The following DIP2C variants were observed in gnomAD, a reference collection of about 807,000 sequenced individuals.
DIP2C encodes the protein disco-interacting protein 2 homolog C.
In DIP2C, 33 loss-of-function variants were observed where a neutral mutation model predicts 192.4. The ratio of observed to expected loss-of-function variants is 0.17; its 90% CI spans 0.13 to 0.23. The LOEUF (loss-of-function observed/expected upper bound fraction) is 0.23, where lower values mean the gene tolerates loss of function less well. Among genes scored for constraint, DIP2C ranks in the 10% least tolerant of loss-of-function variants. The pLI is 1.00. For synonymous variants in DIP2C, 979 were observed against 864.1 expected, an observed-to-expected ratio of 1.13 and a Z score of -2.33; for missense variants, 1,537 against 2,110.1, an observed-to-expected ratio of 0.73 and a Z score of 5.32.
At chr10:631,519 T>C (rs369606295) in intron 1 of DIP2C, among the ~76,000 whole-genome samples, 309 of 152,174 alleles carry the variant, frequency 2.0e-3, no homozygotes, top group African/African-American at 5.2e-3. Context: ...ATGATGAAAC[T>C]GTGGGCAGGG....
chr10:540,130 A>G (rs578074153), intron 1 of DIP2C, among the ~76,000 whole-genome samples: 2 of 152,386 alleles, frequency 1.3e-5, no homozygotes, highest in East Asian at 1.9e-4. Context: ...AGGACACAGC[A>G]TATTTCCTAT....
intron 29 of DIP2C, chr10:340,701 C>T: frequency 2.2e-6 from 1 of 453,766 alleles, no homozygotes; most frequent in Non-Finnish European, 4.4e-6. Context: ...TGCTGAGCAC[C>T]TGCTGTAAGC....
At chr10:297,855 G>A (rs566371307) in intron 32 of DIP2C, among the ~76,000 whole-genome samples, 14 of 152,226 alleles carry the variant, frequency 9.2e-5, no homozygotes, top group Non-Finnish European at 1.5e-4. Context: ...CTAATATCCC[G>A]ATCTGCTAAC....
chr10:365,282 C>T (rs1430300646), intron 19 of DIP2C, among the ~76,000 whole-genome samples: 2 of 152,202 alleles, frequency 1.3e-5, no homozygotes, highest in Admixed American at 6.5e-5. Context: ...CCTGTAATCC[C>T]GGCACTTTAG....
chr10:334,395 G>C (rs1957654837), intron 29 of DIP2C, among the ~76,000 whole-genome samples: 1 of 149,522 alleles, frequency 6.7e-6, no homozygotes, highest in African/African-American at 2.5e-5. Context: ...TTTTTTCCCA[G>C]ACTGTGGCTT....
chr10:447,133 C>T (rs1398991060), intron 3 of DIP2C, among the ~76,000 whole-genome samples: 3 of 152,180 alleles, frequency 2.0e-5, no homozygotes, highest in Non-Finnish European at 4.4e-5. Context: ...AAACAAAGGG[C>T]TTGTCACACA....
intron 3 of DIP2C, among the ~76,000 whole-genome samples, chr10:441,626 C>T (rs192884675): frequency 8.2e-4 from 125 of 152,332 alleles, no homozygotes; most frequent in Non-Finnish European, 1.1e-3. Flanking sequence ...GCTTCTACCT[C>T]GTTTTCTCTT....
intron 1 of DIP2C, chr10:668,561 A>G (rs1034239442): frequency 6.6e-6 from 1 of 152,222 alleles, no homozygotes; most frequent in South Asian, 2.1e-4. Context: ...CATACAACAC[A>G]TAACACTCAA....
intron 1 of DIP2C, chr10:667,752 A>T (rs1157304987): frequency 6.6e-6 from 1 of 152,286 alleles, no homozygotes; most frequent in Non-Finnish European, 1.5e-5. Context: ...CATACAGCAC[A>T]CACAACTCAT....
chr10:486,092 G>A (rs770312222), intron 2 of DIP2C, among the ~76,000 whole-genome samples: 1 of 152,254 alleles, frequency 6.6e-6, no homozygotes, highest in African/African-American at 2.4e-5. Context: ...TTTGGCCTGT[G>A]CCACCAACAG....
At chr10:368,848 CCAAA>C (rs1051788169) in intron 18 of DIP2C, among the ~76,000 whole-genome samples, 1 of 152,212 alleles carries the variant, frequency 6.6e-6, no homozygotes, top group African/African-American at 2.4e-5. Flanking sequence ...CTTTCTGGGG[CCAAA>C]CAGCCAGGGG....
In DIP2C at chr10:652,394, C is replaced by G. The variant is rs1285534311; in HGVS notation, c.85+37100G>C. On this transcript the variant is annotated intron_variant, in intron 1 of 36. Coordinates refer to ENST00000280886, the MANE Select transcript of DIP2C (RefSeq NM_014974.3). The surrounding 1 kb of genome is among the most constrained non-coding windows in gnomAD (Gnocchi z 4.5). ...GTCCCGGGGTGGGGTGGCGGGGGGG[C>G]GCACTGTGCACCCTCCCAGCTCTCC... 5.8e-6 allele frequency: 1 copy of G among 172,684 alleles called. No homozygotes were observed. The highest frequency in any genetic ancestry group is 2.4e-5 in the African/African-American group (1 of 41,572). 10.7% of individuals were successfully genotyped at this position (172,684 alleles called of 1,614,324 possible).
At chr10:384,720 AG>A (rs1962725054) in intron 14 of DIP2C, 81 bp from the exon 15 acceptor site, 1 of 1,401,400 alleles carries the variant, frequency 7.1e-7, no homozygotes, top group Non-Finnish European at 1.0e-6. Context: ...CATGGACACT[AG>A]GCCGCACGGG....
intron 1 of DIP2C, among the ~76,000 whole-genome samples, chr10:612,698 C>T (rs983733991): frequency 5.3e-5 from 8 of 152,152 alleles, no homozygotes; most frequent in African/African-American, 9.7e-5. Context: ...CCGTTTACTC[C>T]GCCGACTGTG....
chr10:348,019 CGCG>C (rs1326536969), intron 26 of DIP2C, among the ~76,000 whole-genome samples: 37 of 150,762 alleles, frequency 2.5e-4, no homozygotes, highest in Middle Eastern at 3.4e-3. Flanking sequence ...AAACCCCAGA[CGCG>C]TCGCGCATAG....
At chr10:502,777 G>C (rs756442969) in intron 1 of DIP2C, among the ~76,000 whole-genome samples, 14 of 152,126 alleles carry the variant, frequency 9.2e-5, no homozygotes, top group Non-Finnish European at 1.9e-4. Flanking sequence ...AGCACACAGA[G>C]GATGTGTATG....
chr10:557,851 G>C (rs1385653763), intron 1 of DIP2C, among the ~76,000 whole-genome samples: 2 of 107,522 alleles, frequency 1.9e-5, no homozygotes, highest in Admixed American at 9.0e-5. Flanking sequence ...GGCAGGAAGG[G>C]GGAGGGGGCA....
intron 1 of DIP2C, among the ~76,000 whole-genome samples, chr10:534,165 A>G (rs1040084037): frequency 2.0e-5 from 3 of 152,178 alleles, no homozygotes; most frequent in Non-Finnish European, 4.4e-5. Flanking sequence ...CTGCTCAGGT[A>G]ACAGCAACCC....
intron 1 of DIP2C, among the ~76,000 whole-genome samples, chr10:512,026 C>G (rs74505763): frequency 6.6e-6 from 1 of 152,128 alleles, no homozygotes; most frequent in African/African-American, 2.4e-5. Flanking sequence ...CTCAGGACAC[C>G]GCACACGTTA....
Sources: allele counts gnomAD v4.1 joint callset (sites outside exome capture counted in the v4.1 genomes callset), GRCh38; gene constraint gnomAD v4.1.1; non-coding constraint Gnocchi (gnomAD v3.1); transcripts MANE v1.5; gene names NCBI Gene and HGNC (gene_info 2026-07-23, HGNC 2026-07-21).